THADA: variants seen among roughly 807,000 people sequenced by gnomAD.
THADA encodes THADA armadillo repeat containing, also known as tRNA (32-2'-O)-methyltransferase regulator THADA.
In THADA, 213 loss-of-function variants were observed where a neutral mutation model predicts 219.8. That is an observed-to-expected ratio of 0.97 (90% CI 0.87 to 1.09). The LOEUF is 1.09. Ranked by LOEUF, THADA falls within the 50% of genes least tolerant of loss-of-function variation. THADA has a pLI of 0.00. For synonymous variants in THADA, 1,018 were observed against 828.9 expected (o/e 1.23, Z -3.92); for missense variants, 2,956 against 2,311.3 (o/e 1.28, Z -5.72).
At chr2:43,519,748 G>A (rs1013339982) in intron 22 of THADA, among the ~76,000 whole-genome samples, 3 of 152,224 alleles carry the variant, frequency 2.0e-5, no homozygotes, top group Admixed American at 2.0e-4. Context: ...GGAGCAACTA[G>A]TGCTGGTGCC....
intron 36 of THADA, among the ~76,000 whole-genome samples, chr2:43,278,953 G>A (rs1051898553): frequency 4.6e-5 from 7 of 152,104 alleles, no homozygotes; most frequent in Non-Finnish European, 8.8e-5. Context: ...CATTGGGACC[G>A]CTGATCCAGA....
chr2:43,274,465 C>A (rs183340025), intron 36 of THADA, among the ~76,000 whole-genome samples: 1 of 152,230 alleles, frequency 6.6e-6, no homozygotes, highest in African/African-American at 2.4e-5. Context: ...CACTGTGTAC[C>A]TAATAGAAAA....
chr2:43,531,710 C>G (rs1412949843), intron 21 of THADA, among the ~76,000 whole-genome samples: 1 of 152,120 alleles, frequency 6.6e-6, no homozygotes, highest in Non-Finnish European at 1.5e-5. Flanking sequence ...ATGAAAACCT[C>G]TGAAAACTCC....
Position 43,581,756 on chromosome 2 carries a change from T to C in THADA, c.706A>G (p.Lys236Glu), listed in dbSNP as rs375004363. The change falls in exon 8 of 38, where the codon AAG becomes GAG. Residue 236 changes from lysine to glutamate, a missense_variant. Coordinates refer to ENST00000405975, the MANE Select transcript of THADA (RefSeq NM_022065.5). ...NMCGLLSIFTKVLSDDDLLQT... is the reference protein window; with the variant it reads ...NMCGLLSIFTEVLSDDDLLQT... ...TTACACTTACCATCGCTTAAAACCT[T>C]GGTAAAAATACTCAGCAATCCACAC... 1.9e-6 allele frequency: 3 copies of C among 1,610,390 alleles called. No homozygotes were observed. The highest frequency in any genetic ancestry group is 2.7e-5 in the African/African-American group (2 of 74,748).
At chr2:43,295,206 T>C (rs1418508971) in intron 31 of THADA, among the ~76,000 whole-genome samples, 1 of 152,232 alleles carries the variant, frequency 6.6e-6, no homozygotes, top group African/African-American at 2.4e-5. Context: ...AGTGAGACCC[T>C]ATCTCAAAAA....
chr2:43,544,590 C>T (rs367592055), intron 20 of THADA, among the ~76,000 whole-genome samples: 2 of 151,266 alleles, frequency 1.3e-5, no homozygotes, highest in Admixed American at 1.3e-4. Context: ...AGGTCCTTCA[C>T]GTCCCTTGTA....
intron 15 of THADA, chr2:43,565,220 C>T (rs2103965229): frequency 6.6e-6 from 1 of 152,226 alleles, no homozygotes; most frequent in East Asian, 1.9e-4. Context: ...GGCGGACAAC[C>T]TGAGGTCAGG....
chr2:43,366,065 A>G (rs1243025264), intron 29 of THADA, among the ~76,000 whole-genome samples: 1 of 152,220 alleles, frequency 6.6e-6, no homozygotes, highest in Non-Finnish European at 1.5e-5. Flanking sequence ...CTAAAGAGAC[A>G]GTATCTTTGT....
At chr2:43,406,674 T>A (rs1307009524) in intron 28 of THADA, among the ~76,000 whole-genome samples, 1 of 152,218 alleles carries the variant, frequency 6.6e-6, no homozygotes, top group Non-Finnish European at 1.5e-5. Flanking sequence ...GAATCATCTT[T>A]CCTAAGCAAG....
chr2:43,565,025 T>C (rs1698498897), intron 15 of THADA: 2 of 152,220 alleles, frequency 1.3e-5, no homozygotes, highest in Non-Finnish European at 2.9e-5. Context: ...AATTTAAATA[T>C]GGATTGCGTA....
chr2:43,534,424 A>T (rs1694289994), intron 21 of THADA, among the ~76,000 whole-genome samples: 1 of 152,162 alleles, frequency 6.6e-6, no homozygotes, highest in South Asian at 2.1e-4. Context: ...ACTAGAGCTT[A>T]TTCTTCCTAT....
intron 29 of THADA, among the ~76,000 whole-genome samples, chr2:43,346,929 C>A (rs76177512): frequency 1.3e-5 from 2 of 152,184 alleles, no homozygotes; most frequent in Admixed American, 6.5e-5. Flanking sequence ...CAAATAAAAA[C>A]GATGTTGGTG....
At chr2:43,375,041 C>G (rs1671215914) in intron 29 of THADA, among the ~76,000 whole-genome samples, 2 of 151,080 alleles carry the variant, frequency 1.3e-5, no homozygotes, top group South Asian at 2.1e-4. Flanking sequence ...TGGTCGTGGA[C>G]CAAAAAGAAA....
At chr2:43,287,255 G>A (rs990124916) in intron 34 of THADA, among the ~76,000 whole-genome samples, 194 bp from the exon 35 acceptor site, 4 of 152,082 alleles carry the variant, frequency 2.6e-5, no homozygotes, top group African/African-American at 4.8e-5. Context: ...CTTGTCTTTC[G>A]GTAAGATGGA....
At chr2:43,352,756 C>G (rs917660973) in intron 29 of THADA, among the ~76,000 whole-genome samples, 8 of 151,970 alleles carry the variant, frequency 5.3e-5, no homozygotes, top group African/African-American at 1.9e-4. Flanking sequence ...CACATAGTAA[C>G]TAGCATCCCT....
chr2:43,430,410 T>C (rs1679087454), intron 26 of THADA, 108 bp from the exon 27 acceptor site: 1 of 594,800 alleles, frequency 1.7e-6, no homozygotes, highest in African/African-American at 1.9e-5. Flanking sequence ...GGATATTTAA[T>C]TAAATACAGT....
chr2:43,231,790 A>G (rs1278488541), intron 37 of THADA, among the ~76,000 whole-genome samples: 1 of 151,992 alleles, frequency 6.6e-6, no homozygotes, highest in East Asian at 1.9e-4. Context: ...TTTCTATAAC[A>G]CTGTGATTCT....
chr2:43,427,658 A>T (rs1236614966), intron 28 of THADA, among the ~76,000 whole-genome samples: 2 of 148,862 alleles, frequency 1.3e-5, no homozygotes, highest in African/African-American at 4.9e-5. Flanking sequence ...TTACATATAT[A>T]AAAAAATATA....
chr2:43,535,018 G>T (rs1694369686), intron 21 of THADA, among the ~76,000 whole-genome samples: 1 of 151,860 alleles, frequency 6.6e-6, no homozygotes, highest in Non-Finnish European at 1.5e-5. Context: ...TTATTTTTTT[G>T]TCTTTTTGGG....
Sources: allele counts gnomAD v4.1 joint callset (sites outside exome capture counted in the v4.1 genomes callset), GRCh38; gene constraint gnomAD v4.1.1; transcripts MANE v1.5; gene names NCBI Gene and HGNC (gene_info 2026-07-23, HGNC 2026-07-21).